KIAA1217: variants seen among roughly 807,000 people sequenced by gnomAD.
The protein encoded by KIAA1217 is sickle tail protein homolog.
Under a neutral mutation model 163.9 loss-of-function variants are expected in KIAA1217, and 88 were observed. The observed-to-expected ratio is 0.54, with a 90% CI of 0.45 to 0.64. The LOEUF is 0.64. KIAA1217 is among the 30% of genes least tolerant of loss of function. The pLI is 0.00. For missense variants in KIAA1217, 2,372 were observed against 2,475.0 expected, an observed-to-expected ratio of 0.96 and a Z score of 0.88; for synonymous variants, 903 against 923.1, an observed-to-expected ratio of 0.98 and a Z score of 0.39.
chr10:23,834,036 A>G (rs1015077070), intron 1 of KIAA1217, among the ~76,000 whole-genome samples: 1 of 152,160 alleles, frequency 6.6e-6, no homozygotes, highest in Non-Finnish European at 1.5e-5. Context: ...AATAAATTAA[A>G]TTCCAAGTCT....
At chr10:23,937,012 A>G (rs1383769992) in intron 1 of KIAA1217, among the ~76,000 whole-genome samples, 1 of 152,082 alleles carries the variant, frequency 6.6e-6, no homozygotes, top group African/African-American at 2.4e-5. Flanking sequence ...ATGAGTAGCT[A>G]GGACCATAGG....
At chr10:24,359,038 ATACT>A (rs367564219) in intron 2 of KIAA1217, among the ~76,000 whole-genome samples, 2 of 140,218 alleles carry the variant, frequency 1.4e-5, no homozygotes, top group African/African-American at 5.1e-5. Flanking sequence ...GTTCATTCTA[ATACT>A]TTCTTTCTTT....
chr10:24,496,602 C>T (rs575676475), intron 8 of KIAA1217, among the ~76,000 whole-genome samples: 8 of 152,274 alleles, frequency 5.3e-5, no homozygotes, highest in African/African-American at 1.9e-4. Flanking sequence ...GCTTCCTATG[C>T]ACTTTTCATG....
chr10:23,912,393 T>C (rs1375678548), intron 1 of KIAA1217, among the ~76,000 whole-genome samples: 1 of 121,098 alleles, frequency 8.3e-6, no homozygotes, highest in Non-Finnish European at 1.6e-5. Flanking sequence ...TGTTATATAA[T>C]TGCGTAGTGG....
intron 3 of KIAA1217, among the ~76,000 whole-genome samples, chr10:24,392,029 A>G (rs1005414668): frequency 2.6e-4 from 40 of 152,338 alleles, no homozygotes; most frequent in East Asian, 3.9e-4. Flanking sequence ...ATTAGATTTG[A>G]TCTGGCTTCA....
chr10:24,454,443 T>C (rs1253686315), intron 5 of KIAA1217, among the ~76,000 whole-genome samples: 1 of 152,238 alleles, frequency 6.6e-6, no homozygotes, highest in Non-Finnish European at 1.5e-5. Context: ...TTTGAAACTG[T>C]TCCTTTTCAC....
At chr10:23,767,475 C>T (rs1834594224) in intron 1 of KIAA1217, among the ~76,000 whole-genome samples, 1 of 152,090 alleles carries the variant, frequency 6.6e-6, no homozygotes, top group African/African-American at 2.4e-5. Context: ...GTGGCTCATG[C>T]CTGTAATCCC....
At chr10:24,486,693 T>C (rs1049351384) in intron 6 of KIAA1217, among the ~76,000 whole-genome samples, 6 of 152,162 alleles carry the variant, frequency 3.9e-5, no homozygotes, top group African/African-American at 1.4e-4. Context: ...GCTCTCTCAC[T>C]TCCTTAAGGT....
chr10:23,791,985 G>A (rs777808063), intron 1 of KIAA1217, among the ~76,000 whole-genome samples: 1 of 152,128 alleles, frequency 6.6e-6, no homozygotes, highest in Non-Finnish European at 1.5e-5. Flanking sequence ...TTTGCAATTT[G>A]AGCTACATGC....
At chr10:23,940,199 C>T (rs1323358268) in intron 1 of KIAA1217, among the ~76,000 whole-genome samples, 1 of 151,722 alleles carries the variant, frequency 6.6e-6, no homozygotes, top group Non-Finnish European at 1.5e-5. Context: ...GTGGCTCACG[C>T]CTGTAATCCC....
chr10:24,260,988 T>C (rs575907466), intron 2 of KIAA1217, among the ~76,000 whole-genome samples: 16 of 151,950 alleles, frequency 1.1e-4, no homozygotes, highest in Non-Finnish European at 2.1e-4. Context: ...GAGGACAAAA[T>C]GCCTGTTTAC....
At chr10:23,858,448 T>TAC (rs997005853) in intron 1 of KIAA1217, among the ~76,000 whole-genome samples, 1 of 152,000 alleles carries the variant, frequency 6.6e-6, no homozygotes, top group Admixed American at 6.6e-5. Context: ...TATATATATA[T>TAC]ACACACAAAC....
At chr10:23,958,305 G>A (rs1382246521) in intron 1 of KIAA1217, among the ~76,000 whole-genome samples, 2 of 152,188 alleles carry the variant, frequency 1.3e-5, no homozygotes, top group Non-Finnish European at 2.9e-5. Context: ...GTGGGTGGGA[G>A]GAAGACTGGG....
chr10:24,261,441 A>G (rs917576405), intron 2 of KIAA1217, among the ~76,000 whole-genome samples: 2 of 150,424 alleles, frequency 1.3e-5, no homozygotes, highest in South Asian at 2.1e-4. Context: ...GGCTACAGTG[A>G]GCCGAGATTG....
intron 2 of KIAA1217, among the ~76,000 whole-genome samples, chr10:24,187,965 A>G (rs1365150606): frequency 2.6e-5 from 4 of 152,222 alleles, no homozygotes; most frequent in African/African-American, 9.6e-5. Flanking sequence ...TGGGAGGCCA[A>G]GGCAGGCAGA....
chr10:24,091,441 A>G (rs898998257), intron 2 of KIAA1217, among the ~76,000 whole-genome samples: 1 of 151,946 alleles, frequency 6.6e-6, no homozygotes, highest in Non-Finnish European at 1.5e-5. Flanking sequence ...TCAGAGGAAA[A>G]GTCCCCACTG....
In KIAA1217 at chr10:24,529,747, T is replaced by C. The variant is rs542494778; in HGVS notation, c.3082+1628T>C. On this transcript the variant is annotated intron_variant, in intron 14 of 20. Coordinates refer to ENST00000376454, the MANE Select transcript of KIAA1217 (RefSeq NM_019590.5). The stretch of plus-strand genomic sequence containing the variant: ...CTTCTCACACAAAGTGACTTTCCTC[T>C]CACAGTCCCCGTGGAGAATTTCTGA... Among the ~76,000 whole-genome samples, 32 of 151,522 alleles carry C rather than the reference T, an allele frequency of 2.1e-4. No homozygotes were observed. In the South Asian group the frequency reaches 2.7e-3, roughly 13 times the overall value.
At chr10:24,542,862 C>T (rs780443650) in intron 18 of KIAA1217, 21 bp from the exon 19 acceptor site, 13 of 1,608,702 alleles carry the variant, frequency 8.1e-6, no homozygotes, top group Non-Finnish European at 1.1e-5. Context: ...TGTGGTTTCC[C>T]TCCTCCGTTC....
chr10:24,493,109 G>T (rs2066356249), intron 6 of KIAA1217, among the ~76,000 whole-genome samples: 1 of 152,320 alleles, frequency 6.6e-6, no homozygotes, highest in Middle Eastern at 3.4e-3. Flanking sequence ...GCCTCCCAAA[G>T]TGCTGGAATT....
Sources: gnomAD v4.1 joint callset for allele counts (sites outside exome capture counted in the v4.1 genomes callset) on GRCh38, gnomAD v4.1.1 for gene constraint, MANE v1.5 for transcripts, NCBI Gene and HGNC (gene_info 2026-07-23, HGNC 2026-07-21) for gene names.